NOS1: variants seen among roughly 807,000 people sequenced by gnomAD.
NOS1 encodes the protein nitric oxide synthase 1.
In NOS1, 51 loss-of-function variants were observed where a neutral mutation model predicts 164.5. The observed-to-expected ratio is 0.31, with a 90% confidence interval of 0.25 to 0.39. NOS1 has a LOEUF of 0.39. Ranked by LOEUF, NOS1 falls within the 10% of genes least tolerant of loss-of-function variation. NOS1 has a pLI of 1.00. For missense variants in NOS1, 1,362 were observed against 1,885.6 expected (o/e 0.72, Z 5.14); for synonymous variants, 719 against 745.8 (o/e 0.96, Z 0.59).
chr12:117,208,622 C>A lies in NOS1; in HGVS notation c.*6687G>T. 1 of 1,166,330 alleles carries A rather than the reference C, an allele frequency of 8.6e-7. No homozygotes were observed. Among genetic ancestry groups the A allele is most frequent in the Non-Finnish European group, 1.1e-6 (1 of 929,172 alleles). 72.2% of individuals were successfully genotyped at this position (1,166,330 alleles called of 1,614,324 possible). A position where few individuals can be genotyped will look rare whatever the true frequency, so the allele number is the denominator to read the frequency against. On this transcript the variant is annotated 3_prime_UTR_variant, in exon 29 of 29. Coordinates refer to ENST00000317775, the MANE Select transcript of NOS1 (RefSeq NM_000620.5). ...CACAGGACATGGGAGGGGACTGAGA[C>A]CCAGCTCAAGAGCACTGGATCTCAG...
chr12:117,348,707 C>T (rs758341126), intron 1 of NOS1, among the ~76,000 whole-genome samples: 3 of 152,166 alleles, frequency 2.0e-5, no homozygotes, highest in Non-Finnish European at 4.4e-5. Context: ...GCTCCTTGAT[C>T]TAATCATGAA....
chr12:117,311,768 G>A (rs892995878), intron 2 of NOS1, among the ~76,000 whole-genome samples, 176 bp from the exon 3 acceptor site: 5 of 152,194 alleles, frequency 3.3e-5, no homozygotes, highest in African/African-American at 4.8e-5. Flanking sequence ...ACAGTGACAC[G>A]TGGGAAGGCA....
intron 5 of NOS1, 148 bp from the exon 6 acceptor site, chr12:117,286,414 T>C (rs1874121348): frequency 1.2e-6 from 1 of 805,830 alleles, no homozygotes; most frequent in Non-Finnish European, 2.0e-6. Flanking sequence ...GGATGCAAGA[T>C]AAAGCAGACA....
intron 24 of NOS1, 70 bp downstream of exon 24, chr12:117,226,613 C>T (rs1193963895): frequency 1.4e-6 from 2 of 1,422,476 alleles, no homozygotes; most frequent in African/African-American, 1.4e-5. Flanking sequence ...GACTGGTCCA[C>T]CTACCCCAAC....
chr12:117,258,210 T>G (rs549357895), intron 16 of NOS1, among the ~76,000 whole-genome samples, 187 bp downstream of exon 16: 35 of 152,320 alleles, frequency 2.3e-4, no homozygotes, highest in Non-Finnish European at 4.6e-4. Flanking sequence ...CACAAGGCTG[T>G]GAAGTGACCC....
chr12:117,237,342 G>A (rs1869795077), intron 20 of NOS1, among the ~76,000 whole-genome samples: 1 of 144,822 alleles, frequency 6.9e-6, no homozygotes, highest in South Asian at 2.2e-4. Flanking sequence ...ATGATGGCCA[G>A]GCTGGTCTCA....
At chr12:117,309,274 G>T in intron 3 of NOS1, 1 of 860,958 alleles carries the variant, frequency 1.2e-6, no homozygotes, top group Non-Finnish European at 1.4e-6. Context: ...AGATATCACT[G>T]CTAGAGGGAC....
intron 1 of NOS1, among the ~76,000 whole-genome samples, chr12:117,359,288 G>A (rs929199355): frequency 1.3e-5 from 2 of 152,242 alleles, no homozygotes; most frequent in African/African-American, 4.8e-5. Context: ...TGCCTTGAGG[G>A]CGGAGAATGG....
At chr12:117,268,200 T>C in intron 10 of NOS1, 56 bp from the exon 11 acceptor site, 2 of 1,182,080 alleles carry the variant, frequency 1.7e-6, no homozygotes, top group Non-Finnish European at 2.5e-6. Flanking sequence ...GATTTCAGAT[T>C]GAAGAGGGAC....
At chr12:117,227,676 C>A in intron 22 of NOS1, 35 bp from the exon 23 acceptor site, 1 of 1,606,284 alleles carries the variant, frequency 6.2e-7, no homozygotes, top group South Asian at 1.1e-5. Context: ...CAAGCTTGAA[C>A]CCAGCTGCCA....
chr12:117,351,611 G>A (rs1876622858), intron 1 of NOS1, among the ~76,000 whole-genome samples: 1 of 152,190 alleles, frequency 6.6e-6, no homozygotes. Context: ...GGATAGTCAA[G>A]GGCATGACAT....
Position 117,209,788 on chromosome 12 carries a change from C to T in NOS1, c.*5521G>A. 2 of 985,476 alleles carry T rather than the reference C, an allele frequency of 2.0e-6. No homozygotes were observed. The highest frequency in any genetic ancestry group is 1.2e-6 in the Non-Finnish European group (1 of 829,960). 61.0% of individuals were successfully genotyped at this position (985,476 alleles called of 1,614,324 possible). A position where few individuals can be genotyped will look rare whatever the true frequency, so the allele number is the denominator to read the frequency against. ...AGCTTTTCTTTTGGGGCCCCTTTGC[C>T]ACAAGGCAGGGACTGGCAGTGGGCC... On this transcript the variant is annotated 3_prime_UTR_variant, in exon 29 of 29. Coordinates refer to ENST00000317775, the MANE Select transcript of NOS1 (RefSeq NM_000620.5).
At chr12:117,318,674 C>T (rs1874774693) in intron 2 of NOS1, among the ~76,000 whole-genome samples, 1 of 152,160 alleles carries the variant, frequency 6.6e-6, no homozygotes, top group African/African-American at 2.4e-5. Context: ...TCGATTGGCC[C>T]GTTGCTGACC....
At position 117,272,408 on chromosome 12, in the gene NOS1, T is replaced by C. The variant is rs748484122; in HGVS notation, c.1816A>G (p.Asn606Asp). ...TEIGVRDYCDNSRYNILEEVA... is the reference protein window; with the variant it reads ...TEIGVRDYCDDSRYNILEEVA... ...ACCTCCAGGATATTGTAGCGGGAGT[T>C]GTCACAGTAGTCGCGGACACCAATC... Residue 606 changes from asparagine (N) to aspartate (D), a missense_variant, in exon 10 of 29, where the codon AAC becomes GAC. Coordinates refer to ENST00000317775, the MANE Select transcript of NOS1 (RefSeq NM_000620.5). This position sits in a 1 kb window ranked among gnomAD's most constrained non-coding sequence, Gnocchi z 4.3. The C allele has an allele frequency of 6.2e-7, 1 of 1,614,088 alleles. No individual in the cohort carries two copies. The highest frequency in any genetic ancestry group is 8.5e-7 in the Non-Finnish European group (1 of 1,180,016).
intron 20 of NOS1, among the ~76,000 whole-genome samples, chr12:117,238,460 C>G (rs1869899487): frequency 6.6e-6 from 1 of 152,180 alleles, no homozygotes; most frequent in Non-Finnish European, 1.5e-5. Context: ...GTGGATCTGG[C>G]AACCCATTTC....
chr12:117,275,136 G>T (rs186690144), intron 9 of NOS1, among the ~76,000 whole-genome samples: 2 of 151,356 alleles, frequency 1.3e-5, no homozygotes, highest in Non-Finnish European at 2.9e-5. Context: ...CTTATGTACC[G>T]CATAAATATA....
chr12:117,263,865 A>AC, intron 13 of NOS1, 24 bp downstream of exon 13: 1 of 1,593,154 alleles, frequency 6.3e-7, no homozygotes, highest in Non-Finnish European at 8.6e-7. Flanking sequence ...CATCCACCCC[A>AC]CCCGCCCACT....
rs370151548 is a variant in NOS1 at position 117,302,342 on chromosome 12, C to T, written c.852+9124G>A. Among the ~76,000 whole-genome samples the T allele has an allele frequency of 9.9e-4, 150 of 152,250 alleles. 6 individuals are homozygous for T. In the South Asian group the frequency reaches 0.029, roughly 30 times the overall value. The stretch of plus-strand genomic sequence containing the variant: ...CGGCGCGGTGGCTCACGCCTGTAAT[C>T]CCAGCACTTTGGGAGGCCGAGGCGG... On this transcript the variant is annotated intron_variant, in intron 3 of 28. Coordinates refer to ENST00000317775, the MANE Select transcript of NOS1 (RefSeq NM_000620.5).
chr12:117,326,020 G>A (rs1032058101), intron 2 of NOS1, among the ~76,000 whole-genome samples: 27 of 152,258 alleles, frequency 1.8e-4, no homozygotes, highest in African/African-American at 6.5e-4. Flanking sequence ...CATCCAGTTA[G>A]TAAAGACATT....
Sources: gnomAD v4.1 joint callset for allele counts (sites outside exome capture counted in the v4.1 genomes callset) on GRCh38, gnomAD v4.1.1 for gene constraint, Gnocchi (gnomAD v3.1) non-coding constraint, MANE v1.5 for transcripts, NCBI Gene and HGNC (gene_info 2026-07-23, HGNC 2026-07-21) for gene names.